The following ENOX1 variants were observed in gnomAD, a reference collection of about 807,000 sequenced individuals.
ENOX1 encodes ecto-NOX disulfide-thiol exchanger 1.
A neutral mutation model predicts 82.5 loss-of-function variants in ENOX1; 42 were observed. That is an observed-to-expected ratio of 0.51 (90% confidence interval 0.40 to 0.66). The LOEUF is 0.66. Ranked by LOEUF, ENOX1 falls within the 30% of genes least tolerant of loss-of-function variation. ENOX1 has a pLI of 0.00. For missense variants in ENOX1, 608 were observed against 811.6 expected (o/e 0.75, Z 3.05); for synonymous variants, 271 against 282.2 (o/e 0.96, Z 0.40).
chr13:43,592,359 C>G (rs1348313008), intron 2 of ENOX1, among the ~76,000 whole-genome samples: 1 of 152,144 alleles, frequency 6.6e-6, no homozygotes, highest in Non-Finnish European at 1.5e-5. Flanking sequence ...TCTTGAGCAT[C>G]TGGGACATGT....
At chr13:43,633,775 G>A (rs1453024667) in intron 2 of ENOX1, among the ~76,000 whole-genome samples, 1 of 151,702 alleles carries the variant, frequency 6.6e-6, no homozygotes, top group Non-Finnish European at 1.5e-5. Flanking sequence ...GAACAAAAAG[G>A]ATAGTAGTAT....
chr13:43,260,758 C>T (rs895299926), intron 14 of ENOX1, among the ~76,000 whole-genome samples: 3 of 152,056 alleles, frequency 2.0e-5, no homozygotes, highest in Non-Finnish European at 2.9e-5. Flanking sequence ...GTCCTAGGAA[C>T]GTGGAGATAG....
At chr13:43,728,363 G>T (rs1432908141) in intron 1 of ENOX1, among the ~76,000 whole-genome samples, 1 of 152,094 alleles carries the variant, frequency 6.6e-6, no homozygotes, top group Non-Finnish European at 1.5e-5. Context: ...AGATTTTGAG[G>T]GGAGAAAAAA....
intron 2 of ENOX1, among the ~76,000 whole-genome samples, chr13:43,593,416 C>T (rs550192614): frequency 6.6e-6 from 1 of 152,174 alleles, no homozygotes; most frequent in South Asian, 2.1e-4. Flanking sequence ...TCTGAGGCAA[C>T]CACAACTCCT....
intron 14 of ENOX1, among the ~76,000 whole-genome samples, chr13:43,247,034 C>T (rs1376860871): frequency 6.6e-6 from 1 of 152,092 alleles, no homozygotes; most frequent in East Asian, 1.9e-4. Flanking sequence ...AGAAGTATTG[C>T]CTCTAGGCTG....
At chr13:43,440,780 A>G (rs1343271376) in intron 3 of ENOX1, among the ~76,000 whole-genome samples, 4 of 152,204 alleles carry the variant, frequency 2.6e-5, no homozygotes, top group Non-Finnish European at 5.9e-5. Context: ...TTTTAAAAAT[A>G]CTAAATATGA....
intron 3 of ENOX1, among the ~76,000 whole-genome samples, chr13:43,456,461 T>C (rs1054243246): frequency 2.6e-5 from 4 of 151,828 alleles, no homozygotes; most frequent in Admixed American, 2.6e-4. Context: ...TTGACTGGCA[T>C]CCCTCCGAGG....
chr13:43,222,152 T>C (rs923342730), intron 16 of ENOX1, among the ~76,000 whole-genome samples: 3 of 152,068 alleles, frequency 2.0e-5, no homozygotes, highest in African/African-American at 4.8e-5. Context: ...TGCGATGAGA[T>C]ACAATTCCTT....
intron 11 of ENOX1, among the ~76,000 whole-genome samples, chr13:43,320,438 G>A (rs1291492289): frequency 6.6e-6 from 1 of 152,100 alleles, no homozygotes; most frequent in African/African-American, 2.4e-5. Flanking sequence ...CTCATCAGAT[G>A]CCTGGGGAAT....
At chr13:43,578,976 T>C (rs939430150) in intron 2 of ENOX1, among the ~76,000 whole-genome samples, 2 of 152,164 alleles carry the variant, frequency 1.3e-5, no homozygotes, top group Non-Finnish European at 2.9e-5. Context: ...AGAAATCATA[T>C]TCCTAGATAG....
At chr13:43,665,792 AGGACAAATGCCAGCGTAATACCT>A (rs1222578712) in intron 2 of ENOX1, among the ~76,000 whole-genome samples, 1 of 151,606 alleles carries the variant, frequency 6.6e-6, no homozygotes, top group African/African-American at 2.4e-5. Context: ...GAGCTCCCTG[AGGACAAATGCCAGCGTAATACCT>A]GCCCACCTCT....
intron 11 of ENOX1, among the ~76,000 whole-genome samples, chr13:43,321,274 G>A (rs1466836694): frequency 1.3e-5 from 2 of 152,154 alleles, no homozygotes; most frequent in Non-Finnish European, 2.9e-5. Context: ...GTCTTGGGTG[G>A]GGCCTGCTAA....
At chr13:43,698,365 A>T (rs994407952) in intron 1 of ENOX1, among the ~76,000 whole-genome samples, 3 of 152,316 alleles carry the variant, frequency 2.0e-5, no homozygotes, top group African/African-American at 4.8e-5. Flanking sequence ...CAAAGAAAAG[A>T]TCAATTATAT....
intron 1 of ENOX1, among the ~76,000 whole-genome samples, chr13:43,747,529 A>G (rs892285301): frequency 1.3e-5 from 2 of 152,188 alleles, no homozygotes; most frequent in Non-Finnish European, 1.5e-5. Context: ...ACATTCTGCG[A>G]TGGTGAGGGT....
intron 3 of ENOX1, among the ~76,000 whole-genome samples, chr13:43,478,054 GTTTTTTTTT>G (rs756717438): frequency 2.0e-5 from 2 of 100,450 alleles, no homozygotes; most frequent in African/African-American, 4.0e-5. Flanking sequence ...AGCCAGAGAG[GTTTTTTTTT>G]TTTTTTTTTT....
chr13:43,271,308 C>T (rs1356669743), intron 12 of ENOX1, among the ~76,000 whole-genome samples: 2 of 152,088 alleles, frequency 1.3e-5, no homozygotes, highest in Non-Finnish European at 2.9e-5. Context: ...GATGAAGTTG[C>T]ACAAATGTCT....
At position 43,361,351 on chromosome 13, in the gene ENOX1, G is replaced by C; in HGVS notation, c.310C>G (p.Pro104Ala). 6.2e-7 allele frequency: 1 copy of C among 1,614,038 alleles called. No homozygotes were observed. Among genetic ancestry groups the C allele is most frequent in the Non-Finnish European group, 8.5e-7 (1 of 1,179,978 alleles). Residue 104 changes from proline (P) to alanine (A), a missense_variant, in exon 6 of 17, where the codon CCA becomes GCA. Physicochemically the swap from Pro to Ala is conservative, Grantham distance 27. Coordinates refer to ENST00000690772, the MANE Select transcript of ENOX1 (RefSeq NM_001347969.2). ...IPGLGLVPPP[P>A]PTEVAVVKEI... ...TTGACAACAGCCACTTCTGTTGGTG[G>C]TGGGGGAGGTACCAGTCCAAGGCCT...
chr13:43,662,039 C>T (rs1478483059), intron 2 of ENOX1, among the ~76,000 whole-genome samples: 2 of 152,068 alleles, frequency 1.3e-5, no homozygotes, highest in Non-Finnish European at 2.9e-5. Flanking sequence ...TCATGTCCTT[C>T]TCTTTCTGTG....
chr13:43,296,352 T>G (rs1433695695), intron 12 of ENOX1, among the ~76,000 whole-genome samples: 1 of 152,128 alleles, frequency 6.6e-6, no homozygotes, highest in Non-Finnish European at 1.5e-5. Context: ...TGACAAGGGA[T>G]GATGAAGGCA....
Sources: allele counts gnomAD v4.1 joint callset (sites outside exome capture counted in the v4.1 genomes callset), GRCh38; gene constraint gnomAD v4.1.1; transcripts MANE v1.5; gene names NCBI Gene and HGNC (gene_info 2026-07-23, HGNC 2026-07-21).